The following TPRX2 variants were observed in gnomAD, a reference collection of about 807,000 sequenced individuals.
TPRX2 encodes the protein tetrapeptide repeat homeobox protein 2.
chr19:47,861,557 G>A, the TPRX2 span: 6 of 1,145,602 alleles, frequency 5.2e-6, no homozygotes, highest in East Asian at 6.3e-5. Flanking sequence ...AGGGCCTGGA[G>A]TGGCTGATCT....
the TPRX2 span, chr19:47,860,427 G>C: frequency 3.0e-6 from 2 of 676,782 alleles, no homozygotes; most frequent in Middle Eastern, 4.0e-4. Context: ...GCTGCATCCT[G>C]AGTCCTGTTC....
chr19:47,860,394 G>T, the TPRX2 span: 2 of 670,678 alleles, frequency 3.0e-6, no homozygotes, highest in Non-Finnish European at 5.3e-6. Flanking sequence ...GCCACGCAAG[G>T]GGTCCCGCCA....
chr19:47,860,571 C>T, the TPRX2 span, among the ~76,000 whole-genome samples: 1 of 151,760 alleles, frequency 6.6e-6, no homozygotes, highest in Non-Finnish European at 1.5e-5. Context: ...GCCCCCCGGG[C>T]ACCTGGGCGG....
chr19:47,861,573 G>A, the TPRX2 span: 3 of 1,095,338 alleles, frequency 2.7e-6, no homozygotes, highest in Non-Finnish European at 3.7e-6. Context: ...GATCTACACT[G>A]CTGGTGACTT....
At chr19:47,861,108 C>T in the TPRX2 span, 1 of 705,736 alleles carries the variant, frequency 1.4e-6, no homozygotes, top group Non-Finnish European at 2.6e-6. Flanking sequence ...AGGCCCTGGC[C>T]CAATCCCAGC....
chr19:47,861,093 G>C, the TPRX2 span: 1 of 714,598 alleles, frequency 1.4e-6, no homozygotes, highest in South Asian at 1.5e-5. Flanking sequence ...GGCTGTCCCG[G>C]CTCCAGGCCC....
the TPRX2 span, chr19:47,860,361 C>A: frequency 7.4e-6 from 5 of 679,948 alleles, no homozygotes; most frequent in East Asian, 1.5e-4. Flanking sequence ...CGGGGCCTGG[C>A]CCGCCCGACC....
chr19:47,860,401 G>A, the TPRX2 span: 4 of 681,448 alleles, frequency 5.9e-6, no homozygotes, highest in African/African-American at 1.9e-5. Flanking sequence ...AAGGGGTCCC[G>A]CCAGTGTAGA....
chr19:47,861,107 C>T, the TPRX2 span: 60 of 706,882 alleles, frequency 8.5e-5, 1 homozygote, highest in East Asian at 7.6e-4. Context: ...CAGGCCCTGG[C>T]CCAATCCCAG....
chr19:47,860,292 C>T, the TPRX2 span: 845 of 1,503,056 alleles, frequency 5.6e-4, 4 homozygotes, highest in South Asian at 8.0e-3. Context: ...GGTCTGACCC[C>T]CACCCCCACC....
At chr19:47,861,652 C>A in the TPRX2 span, 1 of 497,072 alleles carries the variant, frequency 2.0e-6, no homozygotes, top group South Asian at 1.8e-5. Flanking sequence ...CACTGTGCAG[C>A]CATCACAGGT....
the TPRX2 span, chr19:47,861,141 A>ATCCCAGGCCCAG: frequency 3.2e-5 from 22 of 695,536 alleles, no homozygotes; most frequent in African/African-American, 1.8e-4. Flanking sequence ...CCCAGCCCAG[A>ATCCCAGGCCCAG]TCCCAGGCCC....
At chr19:47,860,723 C>G in the TPRX2 span, 1 of 1,453,736 alleles carries the variant, frequency 6.9e-7, no homozygotes, top group South Asian at 1.4e-5. Context: ...GTTTTGAGGC[C>G]GGCGCCGCCC....
At chr19:47,861,280 T>G in the TPRX2 span, 4 of 498,832 alleles carry the variant, frequency 8.0e-6, no homozygotes, top group South Asian at 6.1e-5. Flanking sequence ...CGAACCCTGA[T>G]GCCAGGCCCA....
At chr19:47,860,531 C>A in the TPRX2 span, among the ~76,000 whole-genome samples, 2 of 151,810 alleles carry the variant, frequency 1.3e-5, no homozygotes, top group African/African-American at 4.8e-5. Flanking sequence ...CCCGTGAGAA[C>A]CCGCGGTCCC....
At chr19:47,860,756 G>T in the TPRX2 span, 352 of 1,510,776 alleles carry the variant, frequency 2.3e-4, 3 homozygotes, top group East Asian at 6.9e-3. Context: ...CCCGGGCCGC[G>T]CGAGTCCCTC....
the TPRX2 span, chr19:47,860,902 C>A: frequency 3.3e-6 from 5 of 1,530,252 alleles, no homozygotes; most frequent in Admixed American, 7.8e-5. Context: ...GCCCGCGCTG[C>A]GCCCCTAGTC....
the TPRX2 span, chr19:47,861,456 G>T: frequency 2.4e-5 from 21 of 874,700 alleles, no homozygotes; most frequent in Non-Finnish European, 3.4e-5. Flanking sequence ...GTACAAAGAG[G>T]AGGATGGCTT....
At chr19:47,861,291 G>A in the TPRX2 span, 1 of 494,678 alleles carries the variant, frequency 2.0e-6, no homozygotes, top group South Asian at 1.5e-5. Context: ...GCCAGGCCCA[G>A]GATCACTCCC....
Sources: allele counts gnomAD v4.1 joint callset (sites outside exome capture counted in the v4.1 genomes callset), GRCh38; gene constraint gnomAD v4.1.1; transcripts MANE v1.5; gene names NCBI Gene and HGNC (gene_info 2026-07-23, HGNC 2026-07-21).